The following PLEKHA1 variants were observed in gnomAD, a reference collection of about 807,000 sequenced individuals.
PLEKHA1 encodes pleckstrin homology domain containing A1, also known as pleckstrin homology domain-containing family A member 1.
PLEKHA1 carries 34 observed loss-of-function variants against 52.0 expected under a neutral mutation model. That is an observed-to-expected ratio of 0.65 (90% CI 0.50 to 0.87). The LOEUF is 0.87. Ranked by LOEUF, PLEKHA1 falls within the 40% of genes least tolerant of loss-of-function variation. PLEKHA1 has a pLI of 0.00. For synonymous variants in PLEKHA1, 163 were observed against 170.7 expected (o/e 0.95, Z 0.35); for missense variants, 497 against 504.2 (o/e 0.99, Z 0.14).
rs796163712 is a variant in PLEKHA1 at position 122,430,292 on chromosome 10, T to A, written c.*354T>A. ...CATTAAAAATGCTTATTAATAACTT[T>A]GGTCATTTAAAAAATGCTACAATGA... On this transcript the variant is annotated 3_prime_UTR_variant, in exon 12 of 12. Transcript: ENST00000368990. 2.3e-5 allele frequency: 4 copies of A among 172,470 alleles called. No individual in the cohort carries two copies. Among genetic ancestry groups the A allele is most frequent in the African/African-American group, 9.5e-5 (4 of 42,192 alleles). 10.7% of individuals were successfully genotyped at this position (172,470 alleles called of 1,614,324 possible). A position where few individuals can be genotyped will look rare whatever the true frequency, so the allele number is the denominator to read the frequency against.
intron 1 of PLEKHA1, among the ~76,000 whole-genome samples, chr10:122,376,130 CTG>C (rs775865188): frequency 6.6e-6 from 1 of 152,116 alleles, no homozygotes; most frequent in Admixed American, 6.5e-5. Context: ...TTTTGTGAAA[CTG>C]TGTTTTTCTT....
chr10:122,432,137 C>T lies in PLEKHA1; in HGVS notation c.*2199C>T, dbSNP rs904245369. 2.0e-5 allele frequency: 3 copies of T among 152,154 alleles called. No homozygotes were observed. The highest frequency in any genetic ancestry group is 7.2e-5 in the African/African-American group (3 of 41,436). 9.4% of individuals were successfully genotyped at this position (152,154 alleles called of 1,614,324 possible). A position where few individuals can be genotyped will look rare whatever the true frequency, so the allele number is the denominator to read the frequency against. ...AATTATTTAATTATTTTAAAACGTA[C>T]ACACTTTTCTTGTAAATATGTCACA... On this transcript the variant is annotated 3_prime_UTR_variant, in exon 12 of 12. Transcript: ENST00000368990.
At chr10:122,415,038 T>C (rs1050010382) in intron 6 of PLEKHA1, among the ~76,000 whole-genome samples, 9 of 152,004 alleles carry the variant, frequency 5.9e-5, no homozygotes, top group African/African-American at 1.9e-4. Flanking sequence ...TCCTAATAGC[T>C]AAAAGTGGGA....
chr10:122,384,954 C>A lies in PLEKHA1; in HGVS notation c.-20-8227C>A, dbSNP rs930423944. 2.0e-5 allele frequency among the ~76,000 whole-genome samples: 3 copies of A among 152,088 alleles called. No homozygotes were observed. In the South Asian group the frequency reaches 6.2e-4, roughly 32 times the overall value. ...TCTGGGCAACAGAGTGAGACTCTAC[C>A]TCAAAAAAAGAATTTTTTTTTAAAT... On this transcript the variant is annotated intron_variant, in intron 1 of 11. Coordinates refer to ENST00000368990, the MANE Select transcript of PLEKHA1 (RefSeq NM_001001974.4).
chr10:122,396,657 T>G (rs1047047861), intron 2 of PLEKHA1, among the ~76,000 whole-genome samples: 9 of 152,078 alleles, frequency 5.9e-5, no homozygotes, highest in Non-Finnish European at 1.3e-4. Flanking sequence ...AGCCAATAGA[T>G]TTTTATATTT....
the PLEKHA1 span, chr10:122,440,491 ACCTT>A: frequency 6.6e-6 from 1 of 152,056 alleles, no homozygotes; most frequent in Admixed American, 6.5e-5. Context: ...TTAATTCCAC[ACCTT>A]CAATTCTCAC....
Position 122,430,381 on chromosome 10 carries a change from C to G in PLEKHA1, c.*443C>G, listed in dbSNP as rs974282996. 1 of 156,186 alleles carries G rather than the reference C, an allele frequency of 6.4e-6. No individual in the cohort carries two copies. Among genetic ancestry groups the G allele is most frequent in the East Asian group, 1.9e-4 (1 of 5,240 alleles). 9.7% of individuals were successfully genotyped at this position (156,186 alleles called of 1,614,324 possible). On this transcript the variant is annotated 3_prime_UTR_variant, in exon 12 of 12. Transcript: ENST00000368990. Reference sequence around the variant, plus strand: ...GTTGATATTACCACATGAAATATTGCCAGACCAAGATACCTAAACTCATGA... The same window carrying G: ...GTTGATATTACCACATGAAATATTGGCAGACCAAGATACCTAAACTCATGA...
At chr10:122,408,749 T>TA (rs2097060396) in intron 5 of PLEKHA1, among the ~76,000 whole-genome samples, 1 of 152,224 alleles carries the variant, frequency 6.6e-6, no homozygotes, top group Non-Finnish European at 1.5e-5. Context: ...GTGCATTTTA[T>TA]ACATTTAAGT....
At chr10:122,407,523 A>T (rs569615412) in intron 5 of PLEKHA1, among the ~76,000 whole-genome samples, 154 of 152,298 alleles carry the variant, frequency 1.0e-3, no homozygotes, top group Admixed American at 1.4e-3. Context: ...GCAGTGCCTT[A>T]CTGCTTCCTG....
intron 11 of PLEKHA1, chr10:122,428,322 C>T: frequency 6.5e-7 from 1 of 1,547,238 alleles, no homozygotes; most frequent in South Asian, 1.2e-5. Context: ...CAGAGGTATA[C>T]ATCAAGAGCT....
intron 7 of PLEKHA1, among the ~76,000 whole-genome samples, chr10:122,417,405 T>C (rs1409923934): frequency 6.6e-6 from 1 of 151,964 alleles, no homozygotes; most frequent in Non-Finnish European, 1.5e-5. Flanking sequence ...TCCCAGCATT[T>C]TGGGAGGCCA....
chr10:122,435,056 A>G (rs555170149), downstream of PLEKHA1: 1 of 152,298 alleles, frequency 6.6e-6, no homozygotes, highest in South Asian at 2.1e-4. Context: ...TGCTTTAACA[A>G]AAAGGAAATC....
chr10:122,428,178 A>G (rs2097367454), intron 11 of PLEKHA1: 1 of 1,153,874 alleles, frequency 8.7e-7, no homozygotes, highest in Non-Finnish European at 1.1e-6. Flanking sequence ...GTGGGGGCAG[A>G]TTGGACTATC....
intron 1 of PLEKHA1, among the ~76,000 whole-genome samples, chr10:122,375,257 C>A (rs773601378): frequency 1.3e-5 from 2 of 151,968 alleles, no homozygotes; most frequent in African/African-American, 4.8e-5. Flanking sequence ...TGGCGCCGGT[C>A]GGAGCGCCTC....
chr10:122,428,228 C>G, intron 11 of PLEKHA1: 1 of 1,441,306 alleles, frequency 6.9e-7, no homozygotes, highest in African/African-American at 1.4e-5. Context: ...TTTCCTCCCT[C>G]TACCCAGTAT....
chr10:122,406,477 G>A (rs1590647650), intron 4 of PLEKHA1, 99 bp from the exon 5 acceptor site: 1 of 874,990 alleles, frequency 1.1e-6, no homozygotes, highest in Non-Finnish European at 1.9e-6. Context: ...ATCCACGAGA[G>A]TCACGGTGTT....
At chr10:122,397,431 G>A (rs1206943457) in intron 2 of PLEKHA1, among the ~76,000 whole-genome samples, 3 of 152,024 alleles carry the variant, frequency 2.0e-5, no homozygotes, top group Admixed American at 2.0e-4. Context: ...AAGTATCAAT[G>A]TAGATTAATA....
chr10:122,424,963 A>G lies in PLEKHA1; in HGVS notation c.810+4A>G. On this transcript the variant is annotated splice_donor_region_variant and intron_variant, in intron 10 of 11. Coordinates refer to ENST00000368990, the MANE Select transcript of PLEKHA1 (RefSeq NM_001001974.4). ...GTCTCGAACTTTCTATGTGCAGGTA[A>G]GATGCTTATTTGGCAATTAATAGAT... The G allele has an allele frequency of 1.9e-6, 3 of 1,603,218 alleles. No homozygotes were observed. The highest frequency in any genetic ancestry group is 1.3e-5 in the African/African-American group (1 of 74,634).
At chr10:122,392,937 A>G (rs1292924499) in intron 1 of PLEKHA1, among the ~76,000 whole-genome samples, 1 of 152,134 alleles carries the variant, frequency 6.6e-6, no homozygotes, top group East Asian at 1.9e-4. Flanking sequence ...TAAATTATTC[A>G]GCTGAGGTGA....
Sources: allele counts gnomAD v4.1 joint callset (sites outside exome capture counted in the v4.1 genomes callset), GRCh38; gene constraint gnomAD v4.1.1; transcripts MANE v1.5; gene names NCBI Gene and HGNC (gene_info 2026-07-23, HGNC 2026-07-21).